The following ITGAL variants were observed in gnomAD, a reference collection of about 807,000 sequenced individuals.
The protein encoded by ITGAL is integrin subunit alpha L, also known as integrin alpha-L.
A neutral mutation model predicts 138.4 loss-of-function variants in ITGAL; 68 were observed. That is an observed-to-expected ratio of 0.49 (90% CI 0.40 to 0.60). ITGAL has a LOEUF of 0.60. ITGAL is among the 20% of genes least tolerant of loss of function. The pLI is 0.00. For synonymous variants in ITGAL, 561 were observed against 584.3 expected (o/e 0.96, Z 0.57); for missense variants, 1,256 against 1,478.6 (o/e 0.85, Z 2.47).
intron 9 of ITGAL, among the ~76,000 whole-genome samples, chr16:30,488,484 G>A (rs1020812449): frequency 2.0e-5 from 3 of 151,736 alleles, no homozygotes; most frequent in Admixed American, 6.6e-5. Flanking sequence ...AGGCCGAGGC[G>A]GGTGGATCAC....
At position 30,500,227 on chromosome 16, in the gene ITGAL, A is replaced by G. The variant is rs543747317; in HGVS notation, c.2145+738A>G. 3.2e-3 allele frequency among the ~76,000 whole-genome samples: 492 copies of G among 151,606 alleles called. 7 individuals carry two copies. The highest frequency in any genetic ancestry group is 0.03 in the Admixed American group (461 of 15,130). On this transcript the variant is annotated intron_variant, in intron 17 of 30. Transcript: ENST00000356798. Reference sequence around the variant, plus strand: ...CAGCCTCCCGAGTAGCTGGGATTACAGGTGCATGCCACCATGCCCAACTAA... The same window carrying G: ...CAGCCTCCCGAGTAGCTGGGATTACGGGTGCATGCCACCATGCCCAACTAA...
At chr16:30,485,071 G>A (rs1459781096) in intron 9 of ITGAL, among the ~76,000 whole-genome samples, 5 of 152,044 alleles carry the variant, frequency 3.3e-5, no homozygotes, top group African/African-American at 1.2e-4. Flanking sequence ...TTAGGAGAGG[G>A]CCATTTGAGA....
intron 10 of ITGAL, 45 bp from the exon 11 acceptor site, chr16:30,489,209 G>T (rs1405936238): frequency 6.2e-7 from 1 of 1,613,746 alleles, no homozygotes; most frequent in Non-Finnish European, 8.5e-7. Context: ...GCTCTGGGGG[G>T]TGGGTCGGTG....
At position 30,494,966 on chromosome 16, in the gene ITGAL, A is replaced by G; in HGVS notation, c.1503+116A>G. The G allele has an allele frequency of 8.9e-7, 1 of 1,119,376 alleles. No individual in the cohort carries two copies. Among genetic ancestry groups the G allele is most frequent in the Non-Finnish European group, 1.3e-6 (1 of 796,796 alleles). 69.3% of individuals were successfully genotyped at this position (1,119,376 alleles called of 1,614,324 possible). On this transcript the variant is annotated intron_variant, in intron 13 of 30. Coordinates refer to ENST00000356798, the MANE Select transcript of ITGAL (RefSeq NM_002209.3). This position sits in a 1 kb window ranked among gnomAD's most constrained non-coding sequence, Gnocchi z 4.2. ...ACGTGGCGATCAAACTTTTAGAACG[A>G]CAGAGAGGCAATAGCAAATCCTCAC...
At chr16:30,492,416 A>C (rs2151154851) in intron 11 of ITGAL, among the ~76,000 whole-genome samples, 1 of 151,386 alleles carries the variant, frequency 6.6e-6, no homozygotes, top group Admixed American at 6.6e-5. Flanking sequence ...ACGCCCAGCT[A>C]ATTTTTTGTA....
chr16:30,495,455 G>A (rs1210717968), intron 13 of ITGAL, among the ~76,000 whole-genome samples: 1 of 152,134 alleles, frequency 6.6e-6, no homozygotes, highest in Non-Finnish European at 1.5e-5. Context: ...CGCTGCACCT[G>A]GTAGGCAGCG....
chr16:30,502,604 C>T (rs1176661522), intron 17 of ITGAL, among the ~76,000 whole-genome samples: 3 of 149,508 alleles, frequency 2.0e-5, no homozygotes, highest in African/African-American at 7.4e-5. Flanking sequence ...AAAAATTAGC[C>T]AGGTGTGGTG....
chr16:30,521,776 C>G lies in ITGAL; in HGVS notation c.*111C>G. 5 of 1,049,016 alleles carry G rather than the reference C, an allele frequency of 4.8e-6. No homozygotes were observed. The highest frequency in any genetic ancestry group is 6.8e-6 in the Non-Finnish European group (5 of 733,182). 65.0% of individuals were successfully genotyped at this position (1,049,016 alleles called of 1,614,324 possible). A position where few individuals can be genotyped will look rare whatever the true frequency, so the allele number is the denominator to read the frequency against. On this transcript the variant is annotated 3_prime_UTR_variant, in exon 31 of 31. Coordinates refer to ENST00000356798, the MANE Select transcript of ITGAL (RefSeq NM_002209.3). Reference sequence around the variant, plus strand: ...CCCTCGGGCGAGTCACTGCCTCTCCCTGGCCCTCAGTTTCCCTATCTCGAA... The same window carrying G: ...CCCTCGGGCGAGTCACTGCCTCTCCGTGGCCCTCAGTTTCCCTATCTCGAA...
chr16:30,514,128 A>T (rs957952934), intron 25 of ITGAL, among the ~76,000 whole-genome samples: 1 of 152,160 alleles, frequency 6.6e-6, no homozygotes, highest in Non-Finnish European at 1.5e-5. Flanking sequence ...TGAATGAGCT[A>T]CTATTCTTTG....
At chr16:30,475,061 A>G (rs2050451345) in intron 2 of ITGAL, among the ~76,000 whole-genome samples, 3 of 151,834 alleles carry the variant, frequency 2.0e-5, no homozygotes. Context: ...GTTTCACCAT[A>G]TTGGCCAGGC....
At chr16:30,488,502 C>T (rs981307137) in intron 9 of ITGAL, among the ~76,000 whole-genome samples, 2 of 151,570 alleles carry the variant, frequency 1.3e-5, no homozygotes, top group Non-Finnish European at 1.5e-5. Flanking sequence ...CACCTGAGTT[C>T]GAGACCAGGC....
chr16:30,490,428 C>T (rs781098842), intron 11 of ITGAL, among the ~76,000 whole-genome samples: 6 of 152,054 alleles, frequency 3.9e-5, no homozygotes, highest in Non-Finnish European at 5.9e-5. Flanking sequence ...CTGTGCAATC[C>T]TAAACTTGCT....
At chr16:30,501,040 C>T (rs2050889988) in intron 17 of ITGAL, among the ~76,000 whole-genome samples, 1 of 151,722 alleles carries the variant, frequency 6.6e-6, no homozygotes, top group South Asian at 2.1e-4. Context: ...GAGACAAGGT[C>T]TTGCTGTGTT....
chr16:30,493,334 T>C (rs914738718), intron 11 of ITGAL, among the ~76,000 whole-genome samples: 1 of 151,516 alleles, frequency 6.6e-6, no homozygotes, highest in Non-Finnish European at 1.5e-5. Flanking sequence ...GGCTGGAGTG[T>C]AGTAGCGAAA....
intron 20 of ITGAL, among the ~76,000 whole-genome samples, chr16:30,506,013 A>C (rs914651944): frequency 6.6e-6 from 1 of 152,232 alleles, no homozygotes; most frequent in Non-Finnish European, 1.5e-5. Context: ...TAATCCCAGC[A>C]CTTTGGGAGG....
intron 4 of ITGAL, among the ~76,000 whole-genome samples, chr16:30,476,733 A>C (rs541429862): frequency 6.6e-6 from 1 of 151,880 alleles, no homozygotes; most frequent in Admixed American, 6.6e-5. Context: ...CCTGAGTTCA[A>C]ACGATTCTCC....
intron 16 of ITGAL, 28 bp downstream of exon 16, chr16:30,499,262 C>T (rs1189360018): frequency 3.1e-6 from 5 of 1,612,874 alleles, no homozygotes; most frequent in African/African-American, 1.3e-5. Context: ...GCTCCCAGGG[C>T]AGCTGCCGCC....
intron 7 of ITGAL, 125 bp from the exon 8 acceptor site, chr16:30,483,702 G>A (rs1362400946): frequency 3.5e-5 from 37 of 1,050,364 alleles, no homozygotes; most frequent in Admixed American, 7.5e-5. Context: ...TTGGAATCCC[G>A]GCCTGGGAGA....
intron 28 of ITGAL, among the ~76,000 whole-genome samples, chr16:30,518,265 T>C (rs758851887): frequency 2.3e-4 from 35 of 151,910 alleles, no homozygotes; most frequent in Non-Finnish European, 4.1e-4. Flanking sequence ...CTGGCCAACA[T>C]GGTGAAACCC....
Sources: allele counts gnomAD v4.1 joint callset (sites outside exome capture counted in the v4.1 genomes callset), GRCh38; gene constraint gnomAD v4.1.1; non-coding constraint Gnocchi (gnomAD v3.1); transcripts MANE v1.5; gene names NCBI Gene and HGNC (gene_info 2026-07-23, HGNC 2026-07-21).